Variants in NLRP12 observed in about 807,000 individuals in gnomAD.
NLRP12 encodes NLR family pyrin domain containing 12.
Under a neutral mutation model 91.2 loss-of-function variants are expected in NLRP12, and 108 were observed. The ratio of observed to expected loss-of-function variants is 1.18; its 90% CI spans 1.01 to 1.39. NLRP12 has a LOEUF of 1.39. Ranked by LOEUF, NLRP12 falls within the 40% of genes most tolerant of loss-of-function variation. The pLI, the probability that NLRP12 is intolerant of heterozygous loss-of-function variation, is 0.00. For synonymous variants in NLRP12, 613 were observed against 566.7 expected, an observed-to-expected ratio of 1.08 and a Z score of -1.16; for missense variants, 1,530 against 1,352.7, an observed-to-expected ratio of 1.13 and a Z score of -2.06.
At chr19:53,816,115 C>T (rs1461203277) in intron 1 of NLRP12, among the ~76,000 whole-genome samples, 2 of 151,924 alleles carry the variant, frequency 1.3e-5, no homozygotes, top group Admixed American at 1.3e-4. Context: ...TTCTACACAT[C>T]GAGTCCTTCC....
chr19:53,815,701 C>A (rs560790270), intron 1 of NLRP12, among the ~76,000 whole-genome samples: 2 of 151,590 alleles, frequency 1.3e-5, no homozygotes, highest in Admixed American at 1.3e-4. Context: ...CTCTGCCTCC[C>A]GGGTTCAAGT....
At chr19:53,796,320 C>T (rs556608011) in intron 8 of NLRP12, among the ~76,000 whole-genome samples, 1 of 152,010 alleles carries the variant, frequency 6.6e-6, no homozygotes, top group African/African-American at 2.4e-5. Flanking sequence ...GGCATGATCT[C>T]GGCTCACTGC....
At chr19:53,797,157 A>G in intron 8 of NLRP12, among the ~76,000 whole-genome samples, 1 of 151,062 alleles carries the variant, frequency 6.6e-6, no homozygotes, top group African/African-American at 2.4e-5. Flanking sequence ...CTCGAGATGG[A>G]GTCTTTCTCT....
At chr19:53,807,077 T>A (rs1376817603) in intron 4 of NLRP12, among the ~76,000 whole-genome samples, 3 of 150,542 alleles carry the variant, frequency 2.0e-5, no homozygotes, top group Non-Finnish European at 4.4e-5. Context: ...TGGCACTTTT[T>A]TCCCCCCTGA....
At chr19:53,795,380 A>ATT (rs71304175) in intron 9 of NLRP12, among the ~76,000 whole-genome samples, 2,443 of 147,846 alleles carry the variant, frequency 0.017, 60 homozygotes, top group African/African-American at 0.056. Context: ...AGACAAGGAA[A>ATT]TTTTTTTTTT....
intron 5 of NLRP12, among the ~76,000 whole-genome samples, chr19:53,804,397 TTTTG>T (rs1331995543): frequency 9.9e-5 from 7 of 70,636 alleles, no homozygotes; most frequent in Admixed American, 3.0e-4. Context: ...TTTTGGGTTT[TTTTG>T]TTTTTTTTTT....
intron 1 of NLRP12, among the ~76,000 whole-genome samples, chr19:53,819,641 G>A (rs2092234113): frequency 7.3e-6 from 1 of 136,960 alleles, no homozygotes; most frequent in Non-Finnish European, 1.6e-5. Flanking sequence ...ATATATGTAT[G>A]TATACGTATA....
intron 3 of NLRP12, chr19:53,807,941 G>C (rs548635795): frequency 4.9e-6 from 2 of 410,584 alleles, no homozygotes; most frequent in African/African-American, 2.1e-5. Context: ...GTAGAGATGG[G>C]GTTTCACCGT....
intron 1 of NLRP12, among the ~76,000 whole-genome samples, chr19:53,817,295 T>A (rs1309674441): frequency 6.6e-6 from 1 of 152,026 alleles, no homozygotes; most frequent in Non-Finnish European, 1.5e-5. Context: ...CCAGGCATGG[T>A]GGCGCGTGCC....
At chr19:53,804,955 AG>A (rs2091933730) in intron 5 of NLRP12, among the ~76,000 whole-genome samples, 1 of 152,068 alleles carries the variant, frequency 6.6e-6, no homozygotes, top group Non-Finnish European at 1.5e-5. Context: ...ACTTGAACGC[AG>A]GAAGTGGGGG....
At chr19:53,801,097 A>C in intron 7 of NLRP12, 130 bp downstream of exon 7, 1 of 663,778 alleles carries the variant, frequency 1.5e-6, no homozygotes, top group Non-Finnish European at 2.4e-6. Flanking sequence ...GGAGTCTCAA[A>C]AAAAAAAAAA....
In NLRP12 at chr19:53,794,683, C is replaced by T. The variant is rs181621047; in HGVS notation, c.3099-547G>A. Among the ~76,000 whole-genome samples the T allele has an allele frequency of 1.9e-3, 288 of 148,312 alleles. 3 individuals carry two copies. Among genetic ancestry groups the T allele is most frequent in the African/African-American group, 7.0e-3 (280 of 40,158 alleles). On this transcript the variant is annotated intron_variant, in intron 9 of 9. Transcript: ENST00000324134. ...TGTTCTCCATTTTTTTTTTCTTTCC[C>T]CAAGATGGAGTCTTGCTCTGTTGCC... is the stretch of plus-strand genomic sequence containing the variant.
chr19:53,810,531 C>T lies in NLRP12; in HGVS notation c.1128G>A (p.Lys376=). 2 of 1,614,156 alleles carry T rather than the reference C, an allele frequency of 1.2e-6. No individual in the cohort carries two copies. Among genetic ancestry groups the T allele is most frequent in the Non-Finnish European group, 8.5e-7 (1 of 1,180,036 alleles). ...CCGCCTGCTCTGCATTGTGGAAATA[C>T]TTGTAGAAGTATTCCTTCCTTTCTG... ...SEAERKEYFY[K]YFHNAEQAGQ... Residue 376 remains lysine (K), a synonymous_variant, in exon 3 of 10, where the codon AAG becomes AAA. Coordinates refer to ENST00000324134, the MANE Select transcript of NLRP12 (RefSeq NM_144687.4).
Position 53,807,610 on chromosome 19 carries a change from A to G in NLRP12, c.2128T>C (p.Cys710Arg), listed in dbSNP as rs764307466. Residue 710 changes from cysteine to arginine, a missense_variant, in exon 4 of 10, where the codon TGC becomes CGC. Coordinates refer to ENST00000324134, the MANE Select transcript of NLRP12 (RefSeq NM_144687.4). ...AYSEHLAAALCTNPNLIELSL... is the reference protein window; with the variant it reads ...AYSEHLAAALRTNPNLIELSL... Reference sequence around the variant, plus strand: ...AGCTCTATCAGGTTTGGATTGGTGCACAGGGCCGCTGCCAGATGTTCACTG... The same window carrying G: ...AGCTCTATCAGGTTTGGATTGGTGCGCAGGGCCGCTGCCAGATGTTCACTG... The G allele has an allele frequency of 6.2e-7, 1 of 1,614,136 alleles. No individual in the cohort carries two copies. Among genetic ancestry groups the G allele is most frequent in the Non-Finnish European group, 8.5e-7 (1 of 1,180,024 alleles).
chr19:53,796,718 C>T (rs1001696668), intron 8 of NLRP12, among the ~76,000 whole-genome samples: 5 of 148,144 alleles, frequency 3.4e-5, no homozygotes, highest in South Asian at 2.4e-4. Flanking sequence ...TGGGTTAGGC[C>T]GGGCGTGGTG....
chr19:53,810,915 GAA>G lies in NLRP12; in HGVS notation c.742_743del (p.Phe248LeufsTer26), dbSNP rs760353144. ...KLFQGRFDYL[F>X]YINCREMNQS... ...GGTTCATCTCCCTGCAGTTGATGTAGAAGAGATAATCAAATCTGCCTTGGAAG... is the reference window on the plus strand; with the variant it reads ...GGTTCATCTCCCTGCAGTTGATGTAGGAGATAATCAAATCTGCCTTGGAAG... On this transcript the variant is annotated frameshift_variant, in exon 3 of 10. Transcript: ENST00000324134. LOFTEE classifies it high-confidence loss of function. The G allele has an allele frequency of 6.2e-7, 1 of 1,614,124 alleles. No individual in the cohort carries two copies. Among genetic ancestry groups the G allele is most frequent in the Non-Finnish European group, 8.5e-7 (1 of 1,180,028 alleles).
At position 53,801,315 on chromosome 19, in the gene NLRP12, C is replaced by G; in HGVS notation, c.2668G>C (p.Asp890His). 1 of 1,614,058 alleles carries G rather than the reference C, an allele frequency of 6.2e-7. No homozygotes were observed. The highest frequency in any genetic ancestry group is 8.5e-7 in the Non-Finnish European group (1 of 1,180,006). Residue 890 changes from aspartate to histidine, a missense_variant, in exon 7 of 10, where the codon GAC becomes CAC. Asp to His is a moderately conservative substitution (Grantham distance 81, BLOSUM62 -1). Coordinates refer to ENST00000324134, the MANE Select transcript of NLRP12 (RefSeq NM_144687.4). Reference sequence around the variant, plus strand: ...TCCCCCAGCTCATTCAGGCTCAGGTCCAGCTCTCTCAGGCTCTGGTTCACA... The same window carrying G: ...TCCCCCAGCTCATTCAGGCTCAGGTGCAGCTCTCTCAGGCTCTGGTTCACA... ...LSVNQSLRELDLSLNELGDLG... is the reference protein window; with the variant it reads ...LSVNQSLRELHLSLNELGDLG...
At chr19:53,809,099 A>C (rs2092009037) in intron 3 of NLRP12, among the ~76,000 whole-genome samples, 1 of 151,614 alleles carries the variant, frequency 6.6e-6, no homozygotes, top group Non-Finnish European at 1.5e-5. Flanking sequence ...GGTGATGGGC[A>C]CCTGTAATCC....
At chr19:53,823,489 A>AAAT (rs1568703171) in intron 1 of NLRP12, among the ~76,000 whole-genome samples, 4 of 78,802 alleles carry the variant, frequency 5.1e-5, no homozygotes, top group African/African-American at 1.6e-4. Flanking sequence ...TATATTTTAA[A>AAAT]ATATATTTAT....
Sources: allele counts gnomAD v4.1 joint callset (sites outside exome capture counted in the v4.1 genomes callset), GRCh38; gene constraint gnomAD v4.1.1; transcripts MANE v1.5; gene names NCBI Gene and HGNC (gene_info 2026-07-23, HGNC 2026-07-21).